The following GNE variants were observed in gnomAD, a reference collection of about 807,000 sequenced individuals.
GNE encodes the protein glucosamine (UDP-N-acetyl)-2-epimerase/N-acetylmannosamine kinase.
A neutral mutation model predicts 61.8 loss-of-function variants in GNE; 41 were observed. The ratio of observed to expected loss-of-function variants is 0.66; its 90% CI spans 0.52 to 0.86. The LOEUF (loss-of-function observed/expected upper bound fraction) is 0.86. Ranked by LOEUF, GNE falls within the 40% of genes least tolerant of loss-of-function variation. GNE has a pLI of 0.00. For missense variants in GNE, 608 were observed against 909.1 expected (o/e 0.67, Z 4.26); for synonymous variants, 264 against 326.4 (o/e 0.81, Z 2.06).
chr9:36,271,563 G>A (rs941068913), intron 1 of GNE, among the ~76,000 whole-genome samples: 3 of 152,044 alleles, frequency 2.0e-5, no homozygotes, highest in African/African-American at 2.4e-5. Flanking sequence ...TACTAGAGAC[G>A]GGGTTTCACC....
At chr9:36,276,967 C>G in exon 1 of GNE, 2 of 1,613,172 alleles carry the variant, frequency 1.2e-6, no homozygotes, top group Non-Finnish European at 1.7e-6. Context: ...GCTCTGTACC[C>G]TAGTGTGGTT....
intron 1 of GNE, among the ~76,000 whole-genome samples, chr9:36,275,373 A>G (rs1831223085): frequency 6.6e-6 from 1 of 152,200 alleles, no homozygotes; most frequent in African/African-American, 2.4e-5. Context: ...TGAAGACAAT[A>G]AAATGGGCAT....
At chr9:36,223,315 T>C in intron 8 of GNE, 58 bp downstream of exon 8, 1 of 1,471,438 alleles carries the variant, frequency 6.8e-7, no homozygotes, top group South Asian at 1.1e-5. Context: ...GCATCACAAG[T>C]TAGTAAATTT....
chr9:36,270,491 G>A (rs1273133751), intron 1 of GNE, among the ~76,000 whole-genome samples: 1 of 151,644 alleles, frequency 6.6e-6, no homozygotes, highest in African/African-American at 2.4e-5. Context: ...AGCTACTTGG[G>A]AGGCTGAGAC....
chr9:36,244,539 C>G (rs1337525559), intron 3 of GNE, among the ~76,000 whole-genome samples: 1 of 152,138 alleles, frequency 6.6e-6, no homozygotes, highest in Non-Finnish European at 1.5e-5. Context: ...ATGACTTTTG[C>G]TTTTTAATAA....
At chr9:36,268,494 A>C (rs1830891622) in intron 1 of GNE, among the ~76,000 whole-genome samples, 1 of 151,700 alleles carries the variant, frequency 6.6e-6, no homozygotes, top group Non-Finnish European at 1.5e-5. Flanking sequence ...GGTGAAACCC[A>C]ATGTCTACAA....
At chr9:36,217,833 A>G (rs1396018934) in intron 11 of GNE, among the ~76,000 whole-genome samples, 1 of 152,202 alleles carries the variant, frequency 6.6e-6, no homozygotes, top group Non-Finnish European at 1.5e-5. Context: ...TAGGCAAAAA[A>G]ATGAATAGAA....
chr9:36,260,133 G>A (rs567993593), upstream of GNE, among the ~76,000 whole-genome samples: 13 of 151,844 alleles, frequency 8.6e-5, no homozygotes, highest in African/African-American at 3.1e-4. Context: ...AATGACCTCC[G>A]GGCCAGGTGT....
At position 36,218,329 on chromosome 9, in the gene GNE, C is replaced by T; in HGVS notation, c.1817-30G>A. ...ACAGAGTGAGAAGGAAAAGCAGTCA[C>T]TAATGAGCTGTGGGGAGGCCAAGCT... is the stretch of plus-strand genomic sequence containing the variant. On this transcript the variant is annotated intron_variant, in intron 10 of 11. Transcript: ENST00000642385. This position sits in a 1 kb window ranked among gnomAD's most constrained non-coding sequence, Gnocchi z 4.1. The T allele has an allele frequency of 6.5e-7, 1 of 1,533,740 alleles. No individual in the cohort carries two copies. Among genetic ancestry groups the T allele is most frequent in the African/African-American group, 1.4e-5 (1 of 73,490 alleles).
rs748662746 is a variant in GNE, at chr9:36,246,458, T to C, written c.189A>G (p.Gln63=). Reference sequence around the variant, plus strand: ...GCCTGGTGTTAATGTCAAAGTCATCTTGTTCAATCATTCGATATGTATTTC... The same window carrying C: ...GCCTGGTGTTAATGTCAAAGTCATCCTGTTCAATCATTCGATATGTATTTC... ...DYGNTYRMIE[Q]DDFDINTRLH... Residue 63 remains glutamine (Q), a synonymous_variant, in exon 3 of 12, where the codon CAA becomes CAG. Transcript: ENST00000642385. 2 of 1,613,368 alleles carry C rather than the reference T, an allele frequency of 1.2e-6. No homozygotes were observed. Among genetic ancestry groups the C allele is most frequent in the South Asian group, 2.2e-5 (2 of 91,050 alleles).
rs1828316258 is a variant in GNE, at chr9:36,216,662, ATTATTATTAT to A, written c.*693_*702del. On this transcript the variant is annotated 3_prime_UTR_variant, in exon 12 of 12. Coordinates refer to ENST00000642385, the MANE Select transcript of GNE (RefSeq NM_005476.7). ...AAGGATTATTATTATTATTATTATT[ATTATTATTAT>A]TTATTATTATTATTTTTGAGATGGA... The A allele has an allele frequency of 1.9e-5, 2 of 107,826 alleles. No homozygotes were observed. The allele number at this position is 107,826 out of a possible 1,614,324, so 6.7% of individuals were successfully genotyped here.
chr9:36,246,210 AT>A lies in GNE; in HGVS notation c.436del (p.Ile146SerfsTer5), dbSNP rs1829868089. 3 of 1,614,094 alleles carry A rather than the reference AT, an allele frequency of 1.9e-6. No individual in the cohort carries two copies. ...AGCCAGTTTTGTTATGGCATGTCTG[AT>A]AGAGTCATCAATGGTCCCACTGACT... ...GEVSGTIDDS[I>X]RHAITKLAHY... On this transcript the variant is annotated frameshift_variant, in exon 3 of 12. Transcript: ENST00000642385. LOFTEE classifies it high-confidence loss of function.
intron 2 of GNE, among the ~76,000 whole-genome samples, chr9:36,248,502 T>A (rs891667286): frequency 5.3e-5 from 8 of 151,758 alleles, no homozygotes; most frequent in Admixed American, 5.3e-4. Context: ...TTTTGTATTT[T>A]TCGTAGAGAT....
rs753879971 is a variant in GNE, at chr9:36,216,230, A to T, written c.*1135T>A. 14 of 450,312 alleles carry T rather than the reference A, an allele frequency of 3.1e-5. No homozygotes were observed. The highest frequency in any genetic ancestry group is 1.2e-4 in the South Asian group (8 of 64,066). 27.9% of individuals were successfully genotyped at this position (450,312 alleles called of 1,614,324 possible). On this transcript the variant is annotated 3_prime_UTR_variant, in exon 12 of 12. Transcript: ENST00000642385. ...GCTTTAAAAACAATAAAGCTGTTTT[A>T]AAAAAAAGTGTACTTAAGCCCTTCC... is the stretch of plus-strand genomic sequence containing the variant.
At position 36,214,996 on chromosome 9, in the gene GNE, A is replaced by G. The variant is rs780206135; in HGVS notation, c.*2369T>C. ...ATAGAAATCTGAAAGATATATGCAC[A>G]TGATTTCTTAGATCATCTAAAAGTA... On this transcript the variant is annotated 3_prime_UTR_variant, in exon 12 of 12. Transcript: ENST00000642385. 1 of 152,166 alleles carries G rather than the reference A, an allele frequency of 6.6e-6. No homozygotes were observed. Among genetic ancestry groups the G allele is most frequent in the African/African-American group, 2.4e-5 (1 of 41,428 alleles). The allele number at this position is 152,166 out of a possible 1,614,324, so 9.4% of individuals were successfully genotyped here.
chr9:36,229,690 G>A (rs1829052078), intron 5 of GNE, among the ~76,000 whole-genome samples: 1 of 152,016 alleles, frequency 6.6e-6, no homozygotes, highest in African/African-American at 2.4e-5. Flanking sequence ...ATGATGAGGA[G>A]GTTAAATAAA....
In GNE at chr9:36,217,022, G is replaced by A; in HGVS notation, c.*343C>T. On this transcript the variant is annotated 3_prime_UTR_variant, in exon 12 of 12. Coordinates refer to ENST00000642385, the MANE Select transcript of GNE (RefSeq NM_005476.7). The stretch of plus-strand genomic sequence containing the variant: ...AGGATGAAGTGATATCCCAGGCAAG[G>A]CCTGAAGGTCTCAGTGGTATTAATA... The A allele has an allele frequency of 2.8e-6, 1 of 357,832 alleles. No homozygotes were observed. 22.2% of individuals were successfully genotyped at this position (357,832 alleles called of 1,614,324 possible).
chr9:36,218,365 C>A lies in GNE; in HGVS notation c.1817-66G>T. On this transcript the variant is annotated intron_variant, in intron 10 of 11. Coordinates refer to ENST00000642385, the MANE Select transcript of GNE (RefSeq NM_005476.7). The surrounding 1 kb of genome is among the most constrained non-coding windows in gnomAD (Gnocchi z 4.1). The stretch of plus-strand genomic sequence containing the variant: ...TGGGGAGGCCAAGCTCACCACTGGG[C>A]CTGTGGAAAGCAAGCCCCTACATGG... The A allele has an allele frequency of 4.3e-6, 5 of 1,163,190 alleles. No individual in the cohort carries two copies. The highest frequency in any genetic ancestry group is 5.2e-6 in the Non-Finnish European group (4 of 770,552). 72.1% of individuals were successfully genotyped at this position (1,163,190 alleles called of 1,614,324 possible). A position where few individuals can be genotyped will look rare whatever the true frequency, so the allele number is the denominator to read the frequency against.
chr9:36,261,501 C>T (rs1265292979), upstream of GNE, among the ~76,000 whole-genome samples: 2 of 144,600 alleles, frequency 1.4e-5, no homozygotes, highest in East Asian at 2.1e-4. Context: ...TGCAGTGAGC[C>T]GAGATCGTGC....
Sources: allele counts gnomAD v4.1 joint callset (sites outside exome capture counted in the v4.1 genomes callset), GRCh38; gene constraint gnomAD v4.1.1; non-coding constraint Gnocchi (gnomAD v3.1); transcripts MANE v1.5; gene names NCBI Gene and HGNC (gene_info 2026-07-23, HGNC 2026-07-21).